Variants in GGTA1 observed in about 807,000 individuals in gnomAD.
The protein encoded by GGTA1 is inactive N-acetyllactosaminide alpha-1,3-galactosyltransferase.
GGTA1 carries 5 observed loss-of-function variants against 2.6 expected under a neutral mutation model. That is an observed-to-expected ratio of 1.92 (90% CI 1.00 to 4.04). GGTA1 has a LOEUF of 4.04. Ranked by LOEUF, GGTA1 falls within the 30% of genes most tolerant of loss-of-function variation. GGTA1 has a pLI of 0.00. For missense variants in GGTA1, 50 were observed against 16.7 expected (o/e 2.99, Z -3.47); for synonymous variants, 17 against 5.0 (o/e 3.38, Z -3.19).
At chr9:121,477,455 G>A (rs201683725) in intron 1 of GGTA1, among the ~76,000 whole-genome samples, 4 of 151,156 alleles carry the variant, frequency 2.6e-5, no homozygotes, top group Non-Finnish European at 5.9e-5. Context: ...TTCTTATGTC[G>A]TTGTTTTCTG....
intron 3 of GGTA1, 80 bp from the exon 4 acceptor site, chr9:121,461,397 C>A: frequency 2.5e-6 from 1 of 407,126 alleles, no homozygotes; most frequent in South Asian, 1.8e-5. Context: ...CTTTCTATAG[C>A]CGAGATTACT....
Position 121,485,483 on chromosome 9 carries a change from T to C in GGTA1, c.-10+14167A>G, listed in dbSNP as rs184006416. On this transcript the variant is annotated intron_variant, in intron 1 of 5. Coordinates refer to ENST00000481799, the MANE Select transcript of GGTA1 (RefSeq NM_001382585.1). ...GTCACGTGTAAAGTGTCTAGCATTATATTCCTTTGAAATACGTGTCTTCCT... is the reference window on the plus strand; with the variant it reads ...GTCACGTGTAAAGTGTCTAGCATTACATTCCTTTGAAATACGTGTCTTCCT... 1.8e-3 allele frequency among the ~76,000 whole-genome samples: 271 copies of C among 152,352 alleles called. 1 individual carries two copies. Among genetic ancestry groups the C allele is most frequent in the African/African-American group, 6.3e-3 (260 of 41,582 alleles).
chr9:121,463,816 G>C (rs1174338677), intron 2 of GGTA1, among the ~76,000 whole-genome samples: 1 of 152,122 alleles, frequency 6.6e-6, no homozygotes, highest in South Asian at 2.1e-4. Context: ...CTGAAAGGAC[G>C]GAAATGCCGT....
intron 1 of GGTA1, among the ~76,000 whole-genome samples, chr9:121,477,902 C>T (rs1235261770): frequency 1.3e-5 from 2 of 152,070 alleles, no homozygotes; most frequent in Non-Finnish European, 2.9e-5. Flanking sequence ...AAAGAGGGCT[C>T]CCCAAATGGA....
intron 1 of GGTA1, among the ~76,000 whole-genome samples, chr9:121,471,327 G>A (rs1828384684): frequency 6.6e-6 from 1 of 152,160 alleles, no homozygotes; most frequent in African/African-American, 2.4e-5. Context: ...CAGTTAGTCT[G>A]TGAGCTTCCT....
chr9:121,463,009 ATC>A (rs1188794820), intron 3 of GGTA1: 3 of 211,316 alleles, frequency 1.4e-5, no homozygotes, highest in Non-Finnish European at 2.9e-5. Flanking sequence ...AATAGACAAT[ATC>A]TCCCCGGATA....
intron 1 of GGTA1, among the ~76,000 whole-genome samples, chr9:121,495,682 G>A (rs1828976977): frequency 1.3e-5 from 2 of 152,120 alleles, no homozygotes; most frequent in Admixed American, 1.3e-4. Flanking sequence ...ATTACCCAAT[G>A]CAACTTCTAA....
intron 7 of GGTA1, among the ~76,000 whole-genome samples, chr9:121,447,796 A>G (rs2064859121): frequency 6.6e-6 from 1 of 152,072 alleles, no homozygotes; most frequent in Admixed American, 6.6e-5. Context: ...GTGTGTTTTC[A>G]TGTTAGTGTA....
intron 1 of GGTA1, among the ~76,000 whole-genome samples, chr9:121,493,037 G>A (rs1340870305): frequency 6.6e-6 from 1 of 151,728 alleles, no homozygotes; most frequent in East Asian, 2.0e-4. Flanking sequence ...GGGAGGCTGA[G>A]ATAGGAGAAT....
intron 4 of GGTA1, 110 bp from the exon 5 acceptor site, chr9:121,460,329 C>A: frequency 4.9e-6 from 2 of 407,722 alleles, no homozygotes; most frequent in Non-Finnish European, 9.7e-6. Flanking sequence ...TATGCATGCA[C>A]TAAGTGAACT....
intron 2 of GGTA1, among the ~76,000 whole-genome samples, chr9:121,466,231 A>G (rs544517708): frequency 6.6e-6 from 1 of 152,172 alleles, no homozygotes; most frequent in East Asian, 1.9e-4. Context: ...ATTATCCCCA[A>G]TTTTTAAAGA....
chr9:121,485,994 T>C (rs570211322), intron 1 of GGTA1, among the ~76,000 whole-genome samples: 5 of 152,290 alleles, frequency 3.3e-5, no homozygotes, highest in Admixed American at 6.5e-5. Flanking sequence ...TAGGATAGAT[T>C]CTTGCATTCT....
downstream of GGTA1, among the ~76,000 whole-genome samples, chr9:121,450,760 T>G (rs192500239): frequency 5.9e-5 from 9 of 152,208 alleles, no homozygotes; most frequent in African/African-American, 2.2e-4. Flanking sequence ...GTAGAGATTC[T>G]TCTGGTAAAC....
chr9:121,486,521 G>T (rs976093357), intron 1 of GGTA1, among the ~76,000 whole-genome samples: 1 of 152,224 alleles, frequency 6.6e-6, no homozygotes, highest in Non-Finnish European at 1.5e-5. Context: ...CTGGGCCAGG[G>T]TTTCCCATCT....
intron 7 of GGTA1, among the ~76,000 whole-genome samples, chr9:121,448,644 A>C (rs565197543): frequency 6.6e-6 from 1 of 152,352 alleles, no homozygotes; most frequent in African/African-American, 2.4e-5. Context: ...AAAAAAGGAA[A>C]AATAAGGACT....
intron 1 of GGTA1, among the ~76,000 whole-genome samples, chr9:121,472,202 T>C (rs1828405148): frequency 6.6e-6 from 1 of 152,242 alleles, no homozygotes; most frequent in Non-Finnish European, 1.5e-5. Context: ...TATTTTATTA[T>C]GTGGTGCTGC....
Position 121,486,314 on chromosome 9 carries a change from A to G in GGTA1, c.-10+13336T>C, listed in dbSNP as rs114101538. Among the ~76,000 whole-genome samples, 1,053 of 152,288 alleles carry G rather than the reference A, an allele frequency of 6.9e-3. 12 individuals are homozygous for G. The highest frequency in any genetic ancestry group is 0.038 in the South Asian group (185 of 4,820). ...GAGGACACTGTTGCTATCTGGCTGG[A>G]CCACCTACACCACGCCCACGTGGGT... On this transcript the variant is annotated intron_variant, in intron 1 of 5. Coordinates refer to ENST00000481799, the MANE Select transcript of GGTA1 (RefSeq NM_001382585.1).
intron 1 of GGTA1, among the ~76,000 whole-genome samples, chr9:121,493,147 A>G (rs1828905381): frequency 6.6e-6 from 1 of 151,990 alleles, no homozygotes; most frequent in Non-Finnish European, 1.5e-5. Flanking sequence ...AGAAAAAAAA[A>G]AAAGGAACTG....
intron 2 of GGTA1, among the ~76,000 whole-genome samples, chr9:121,465,347 G>C (rs574876408): frequency 6.6e-6 from 1 of 152,366 alleles, no homozygotes; most frequent in African/African-American, 2.4e-5. Flanking sequence ...TTGTTCTTCT[G>C]TTGGACTCTT....
Sources: gnomAD v4.1 joint callset for allele counts (sites outside exome capture counted in the v4.1 genomes callset) on GRCh38, gnomAD v4.1.1 for gene constraint, MANE v1.5 for transcripts, NCBI Gene and HGNC (gene_info 2026-07-23, HGNC 2026-07-21) for gene names.